The following TBC1D22A variants were observed in gnomAD, a reference collection of about 807,000 sequenced individuals.
TBC1D22A encodes the protein TBC1 domain family member 22A, also known as putative GTPase activator.
Under a neutral mutation model 60.2 loss-of-function variants are expected in TBC1D22A, and 38 were observed. That is an observed-to-expected ratio of 0.63 (90% CI 0.49 to 0.83). The LOEUF is 0.83. Ranked by LOEUF, TBC1D22A falls within the 40% of genes least tolerant of loss-of-function variation. TBC1D22A has a pLI of 0.00. For synonymous variants in TBC1D22A, 302 were observed against 281.7 expected (o/e 1.07, Z -0.72); for missense variants, 628 against 701.0 (o/e 0.90, Z 1.18).
At chr22:46,928,136 A>C (rs1044473351) in intron 8 of TBC1D22A, among the ~76,000 whole-genome samples, 40 of 152,302 alleles carry the variant, frequency 2.6e-4, no homozygotes, top group African/African-American at 7.2e-4. Context: ...GAAAAAAAAA[A>C]AAAAACAAAG....
intron 4 of TBC1D22A, among the ~76,000 whole-genome samples, chr22:46,840,007 T>C (rs2086683009): frequency 6.6e-6 from 1 of 152,132 alleles, no homozygotes; most frequent in Non-Finnish European, 1.5e-5. Flanking sequence ...GAAGAAAACA[T>C]AGGGAAAAAG....
intron 4 of TBC1D22A, among the ~76,000 whole-genome samples, chr22:46,863,938 A>G (rs946253817): frequency 6.6e-6 from 1 of 152,118 alleles, no homozygotes; most frequent in African/African-American, 2.4e-5. Context: ...CTAGCTCAGC[A>G]TCTAGCATTG....
At chr22:46,962,146 G>C (rs1454605741) in intron 8 of TBC1D22A, among the ~76,000 whole-genome samples, 2 of 152,210 alleles carry the variant, frequency 1.3e-5, no homozygotes, top group Non-Finnish European at 2.9e-5. Flanking sequence ...AGGACAGCTG[G>C]CTTCTGCCCA....
At chr22:46,806,027 A>G (rs2085118940) in intron 4 of TBC1D22A, among the ~76,000 whole-genome samples, 1 of 145,846 alleles carries the variant, frequency 6.9e-6, no homozygotes, top group Non-Finnish European at 1.5e-5. Context: ...TAAGTTTTGT[A>G]TTTTTAGTAG....
Position 46,874,840 on chromosome 22 carries a change from C to G in TBC1D22A, c.638-3813C>G, listed in dbSNP as rs376180012. Among the ~76,000 whole-genome samples the G allele has an allele frequency of 3.9e-5, 6 of 152,266 alleles. No homozygotes were observed. The East Asian group carries it at 9.6e-4, about 24-fold the overall frequency. On this transcript the variant is annotated intron_variant, in intron 4 of 12. Coordinates refer to ENST00000337137, the MANE Select transcript of TBC1D22A (RefSeq NM_014346.5). ...CTGCCCGCCTTGGCCTCCCAAAGTG[C>G]TAGGATTACAGGCGTGAGCCACTGC...
At chr22:46,989,753 A>G (rs2074863171) in intron 9 of TBC1D22A, among the ~76,000 whole-genome samples, 1 of 140,512 alleles carries the variant, frequency 7.1e-6, no homozygotes, top group Non-Finnish European at 1.5e-5. Context: ...CCAAAATGTG[A>G]CAGAGTCACA....
Position 46,793,585 on chromosome 22 carries a change from C to T in TBC1D22A, c.204C>T (p.Thr68=). The T allele has an allele frequency of 6.2e-7, 1 of 1,614,058 alleles. No individual in the cohort carries two copies. Among genetic ancestry groups the T allele is most frequent in the Non-Finnish European group, 8.5e-7 (1 of 1,180,038 alleles). The change falls in exon 3 of 13, where the codon ACC becomes ACT. Residue 68 remains threonine (T), a synonymous_variant. Transcript: ENST00000337137. ...VSTFQEFESN[T]SDAWDAGEDD... ...CCTTCCAGGAGTTTGAGAGCAATAC[C>T]AGCGATGCCTGGGACGCTGGGGAGG...
intron 11 of TBC1D22A, among the ~76,000 whole-genome samples, chr22:47,107,957 A>G (rs4561758): frequency 2.1e-4 from 32 of 152,206 alleles, no homozygotes; most frequent in Non-Finnish European, 4.3e-4. Flanking sequence ...GAGTTAGGCA[A>G]TGATTTTTTA....
At chr22:47,055,245 C>T (rs1603194815) in intron 11 of TBC1D22A, among the ~76,000 whole-genome samples, 2 of 152,314 alleles carry the variant, frequency 1.3e-5, no homozygotes, top group South Asian at 2.1e-4. Flanking sequence ...TCTCTTTATC[C>T]CTGTGTGAGA....
chr22:46,861,653 C>A (rs914382320), intron 4 of TBC1D22A, among the ~76,000 whole-genome samples: 2 of 152,236 alleles, frequency 1.3e-5, no homozygotes, highest in Non-Finnish European at 1.5e-5. Flanking sequence ...TTGCGCACCT[C>A]CCAGGAGGGG....
At chr22:46,804,819 TA>T (rs996608677) in intron 4 of TBC1D22A, among the ~76,000 whole-genome samples, 12 of 152,244 alleles carry the variant, frequency 7.9e-5, no homozygotes, top group African/African-American at 2.4e-4. Context: ...AAGCAAATGC[TA>T]AAAGAGAGTT....
intron 11 of TBC1D22A, among the ~76,000 whole-genome samples, chr22:47,041,623 C>T (rs549008025): frequency 7.2e-5 from 11 of 152,180 alleles, no homozygotes; most frequent in Admixed American, 1.3e-4. Context: ...GTCCTGGGCT[C>T]GGATGGAGGG....
At chr22:46,979,602 A>C (rs909494258) in intron 9 of TBC1D22A, among the ~76,000 whole-genome samples, 1 of 152,212 alleles carries the variant, frequency 6.6e-6, no homozygotes, top group Non-Finnish European at 1.5e-5. Context: ...GTTAATAGTA[A>C]GATGAGTGAC....
chr22:47,171,530 T>G (rs1219944850), intron 12 of TBC1D22A, among the ~76,000 whole-genome samples: 1 of 152,192 alleles, frequency 6.6e-6, no homozygotes, highest in Non-Finnish European at 1.5e-5. Flanking sequence ...TGACAGAGCC[T>G]GGGCTTGGGC....
chr22:46,881,709 A>AG (rs1470771215), intron 5 of TBC1D22A, among the ~76,000 whole-genome samples: 1 of 152,184 alleles, frequency 6.6e-6, no homozygotes, highest in Non-Finnish European at 1.5e-5. Flanking sequence ...AAGGGAGTTG[A>AG]GGGGCCAAAG....
At chr22:46,950,651 G>A (rs2072842385) in intron 8 of TBC1D22A, among the ~76,000 whole-genome samples, 2 of 152,186 alleles carry the variant, frequency 1.3e-5, no homozygotes, top group African/African-American at 4.8e-5. Flanking sequence ...GAAGTTGCAA[G>A]GAACAACAGG....
intron 12 of TBC1D22A, among the ~76,000 whole-genome samples, chr22:47,124,053 G>A (rs981561693): frequency 1.3e-5 from 2 of 152,194 alleles, no homozygotes; most frequent in East Asian, 3.8e-4. Flanking sequence ...CAGGTCCATG[G>A]TGGGTGCGCT....
At chr22:47,075,698 T>C (rs937618190) in intron 11 of TBC1D22A, among the ~76,000 whole-genome samples, 1 of 152,172 alleles carries the variant, frequency 6.6e-6, no homozygotes, top group Non-Finnish European at 1.5e-5. Context: ...TAAATAAATA[T>C]TGAGATAGTT....
intron 12 of TBC1D22A, among the ~76,000 whole-genome samples, chr22:47,167,598 G>T (rs1476065856): frequency 2.6e-5 from 4 of 152,204 alleles, no homozygotes; most frequent in Admixed American, 6.5e-5. Flanking sequence ...AGAGAGTAAG[G>T]CAGAGTAGAA....
Sources: gnomAD v4.1 joint callset for allele counts (sites outside exome capture counted in the v4.1 genomes callset) on GRCh38, gnomAD v4.1.1 for gene constraint, MANE v1.5 for transcripts, NCBI Gene and HGNC (gene_info 2026-07-23, HGNC 2026-07-21) for gene names.